The following SGIP1 variants were observed in gnomAD, a reference collection of about 807,000 sequenced individuals.
The protein encoded by SGIP1 is SH3GL interacting endocytic adaptor 1.
In SGIP1, 38 loss-of-function variants were observed where a neutral mutation model predicts 107.5. The observed-to-expected ratio is 0.35, with a 90% CI of 0.27 to 0.46. The LOEUF (loss-of-function observed/expected upper bound fraction) is 0.46, where lower values mean the gene tolerates loss of function less well. Ranked by LOEUF, SGIP1 falls within the 20% of genes least tolerant of loss-of-function variation. The pLI is 1.00. For synonymous variants in SGIP1, 365 were observed against 366.1 expected (o/e 1.00, Z 0.03); for missense variants, 929 against 1,019.5 (o/e 0.91, Z 1.21).
intron 1 of SGIP1, among the ~76,000 whole-genome samples, chr1:66,587,363 AT>A (rs35613526): frequency 0.19 from 28,318 of 145,738 alleles, 3,117 homozygotes; most frequent in African/African-American, 0.32. Context: ...GGCTCTGTTC[AT>A]TTTTTTTTTC....
At chr1:66,562,848 G>T (rs2059147883) in intron 1 of SGIP1, among the ~76,000 whole-genome samples, 1 of 152,062 alleles carries the variant, frequency 6.6e-6, no homozygotes, top group Non-Finnish European at 1.5e-5. Flanking sequence ...GCACAGAGGG[G>T]CCAGGCAATT....
At chr1:66,587,756 C>G (rs1301955975) in intron 1 of SGIP1, among the ~76,000 whole-genome samples, 2 of 152,048 alleles carry the variant, frequency 1.3e-5, no homozygotes, top group Non-Finnish European at 2.9e-5. Context: ...ACCACATTGC[C>G]TCTACCTTAA....
chr1:66,730,135 C>CTGTGCA lies in SGIP1; in HGVS notation c.1898+724_1898+729dup, dbSNP rs563578320. On this transcript the variant is annotated intron_variant, in intron 20 of 24. Transcript: ENST00000371037. ...AAATCAATTGTGTGTGTAGGTGTGA[C>CTGTGCA]TGTGCATGTGCATATGCATAATAAA... Among the ~76,000 whole-genome samples the CTGTGCA allele has an allele frequency of 3.0e-4, 46 of 152,214 alleles. No individual in the cohort carries two copies. In the East Asian group the frequency reaches 6.8e-3, roughly 22 times the overall value.
At chr1:66,562,346 T>A (rs2059075875) in intron 1 of SGIP1, among the ~76,000 whole-genome samples, 1 of 152,046 alleles carries the variant, frequency 6.6e-6, no homozygotes, top group South Asian at 2.1e-4. Context: ...AGATGAGGGT[T>A]TCAGGGAGAT....
rs1028439623 is a variant in SGIP1 at position 66,611,492 on chromosome 1, T to C, written c.11-14355T>C. ...GGGACTTTGTTTCCAGTGTCTCCCA[T>C]GTAGGTGAGGCCACATGGTCCATAA... On this transcript the variant is annotated intron_variant, in intron 1 of 24. Transcript: ENST00000371037. Among the ~76,000 whole-genome samples the C allele has an allele frequency of 9.2e-5, 14 of 152,330 alleles. No individual in the cohort carries two copies. In the South Asian group the frequency reaches 2.5e-3, roughly 27 times the overall value.
intron 13 of SGIP1, among the ~76,000 whole-genome samples, chr1:66,677,468 T>G (rs571367957): frequency 6.6e-6 from 1 of 152,348 alleles, no homozygotes; most frequent in South Asian, 2.1e-4. Flanking sequence ...TAATACGGTC[T>G]CTGCTCATCC....
At chr1:66,536,903 C>A (rs1275878955) in intron 1 of SGIP1, among the ~76,000 whole-genome samples, 5 of 152,158 alleles carry the variant, frequency 3.3e-5, no homozygotes, top group Non-Finnish European at 7.4e-5. Flanking sequence ...ATGGCCATGG[C>A]AACTTTTCAA....
chr1:66,646,561 T>C (rs965309952), intron 7 of SGIP1, among the ~76,000 whole-genome samples: 2 of 152,250 alleles, frequency 1.3e-5, no homozygotes, highest in Admixed American at 1.3e-4. Context: ...CTATAACCAA[T>C]TTGATCTCTT....
At chr1:66,659,954 G>A (rs12135252) in intron 7 of SGIP1, among the ~76,000 whole-genome samples, 3,189 of 14,650 alleles carry the variant, frequency 0.22, 321 homozygotes, top group East Asian at 0.59. Flanking sequence ...GAAAGAAAAA[G>A]AAAGAAAGAA....
intron 1 of SGIP1, among the ~76,000 whole-genome samples, chr1:66,595,923 G>C (rs946765815): frequency 2.0e-5 from 3 of 152,184 alleles, no homozygotes; most frequent in Admixed American, 6.5e-5. Context: ...TGAGGAGGGG[G>C]AGGAGGAAGG....
chr1:66,740,757 T>A, intron 23 of SGIP1, 35 bp downstream of exon 23: 1 of 1,465,222 alleles, frequency 6.8e-7, no homozygotes. Flanking sequence ...ATTTAACATG[T>A]AAAGCTAAAA....
chr1:66,688,330 G>A (rs773741306), intron 15 of SGIP1, among the ~76,000 whole-genome samples: 2 of 152,176 alleles, frequency 1.3e-5, no homozygotes, highest in Non-Finnish European at 2.9e-5. Context: ...CTGAAGTTAG[G>A]CAGATGCCTG....
intron 7 of SGIP1, chr1:66,660,209 A>AAG (rs71058471): frequency 8.4e-6 from 2 of 237,510 alleles, no homozygotes; most frequent in African/African-American, 3.8e-5. Context: ...GAAAGAAAGA[A>AAG]AGAAAGAGAA....
At chr1:66,741,481 C>G (rs753870746) in intron 24 of SGIP1, 45 bp downstream of exon 24, 1 of 1,512,988 alleles carries the variant, frequency 6.6e-7, no homozygotes, top group South Asian at 1.3e-5. Context: ...ATAATGTTGC[C>G]TTGGCTACTC....
intron 17 of SGIP1, 96 bp downstream of exon 17, chr1:66,690,412 T>C: frequency 6.5e-7 from 1 of 1,532,744 alleles, no homozygotes; most frequent in Non-Finnish European, 8.8e-7. Flanking sequence ...CTGGTTGAAA[T>C]TGTTTTGCTG....
At chr1:66,732,610 G>A (rs1212975954) in intron 20 of SGIP1, among the ~76,000 whole-genome samples, 1 of 152,102 alleles carries the variant, frequency 6.6e-6, no homozygotes, top group Admixed American at 6.6e-5. Context: ...AAGCCCTGGT[G>A]TTTTTTACTC....
At chr1:66,633,029 G>A (rs1570961449) in intron 2 of SGIP1, 41 bp from the exon 3 acceptor site, 11 of 1,331,006 alleles carry the variant, frequency 8.3e-6, no homozygotes, top group Non-Finnish European at 1.1e-5. Flanking sequence ...TGGCAAGAAT[G>A]ATTCCTTATC....
chr1:66,625,233 T>G (rs560830848), intron 1 of SGIP1, among the ~76,000 whole-genome samples: 11 of 152,308 alleles, frequency 7.2e-5, no homozygotes, highest in Admixed American at 3.3e-4. Flanking sequence ...GAATTGAAAT[T>G]CTAAACGTCC....
chr1:66,630,156 G>A (rs1301005377), intron 2 of SGIP1, among the ~76,000 whole-genome samples: 1 of 152,050 alleles, frequency 6.6e-6, no homozygotes, highest in East Asian at 1.9e-4. Flanking sequence ...TAGGACTCCA[G>A]TGCTGCTATG....
Sources: allele counts gnomAD v4.1 joint callset (sites outside exome capture counted in the v4.1 genomes callset), GRCh38; gene constraint gnomAD v4.1.1; transcripts MANE v1.5; gene names NCBI Gene and HGNC (gene_info 2026-07-23, HGNC 2026-07-21).